Variants in LIN52 observed in about 807,000 individuals in gnomAD.
LIN52 encodes protein lin-52 homolog.
In LIN52, 4 loss-of-function variants were observed where a neutral mutation model predicts 18.5. That is an observed-to-expected ratio of 0.22 (90% CI 0.11 to 0.49). The LOEUF (loss-of-function observed/expected upper bound fraction) is 0.49, where lower values mean the gene tolerates loss of function less well. Ranked by LOEUF, LIN52 falls within the 20% of genes least tolerant of loss-of-function variation. The probability of loss-of-function intolerance (pLI) is 0.97; values close to 1 mark genes in which losing one functional copy is unlikely to be tolerated. For missense variants in LIN52, 102 were observed against 139.5 expected (o/e 0.73, Z 1.35); for synonymous variants, 34 against 45.5 (o/e 0.75, Z 1.02).
intron 5 of LIN52, among the ~76,000 whole-genome samples, chr14:74,156,215 C>T (rs1479002743): frequency 1.3e-5 from 2 of 152,202 alleles, no homozygotes; most frequent in Non-Finnish European, 2.9e-5. Flanking sequence ...TATTTGGTTA[C>T]AGATCATAAT....
chr14:74,146,597 C>T (rs1015977802), intron 5 of LIN52, among the ~76,000 whole-genome samples: 2 of 152,116 alleles, frequency 1.3e-5, no homozygotes, highest in East Asian at 1.9e-4. Flanking sequence ...GTACTAGTAA[C>T]AATTATAGAT....
chr14:74,167,593 C>G (rs1316682130), intron 5 of LIN52, among the ~76,000 whole-genome samples: 1 of 152,138 alleles, frequency 6.6e-6, no homozygotes, highest in Non-Finnish European at 1.5e-5. Context: ...AACATGTAAC[C>G]CAATTCACTC....
intron 5 of LIN52, among the ~76,000 whole-genome samples, chr14:74,124,819 A>C (rs2061019635): frequency 6.6e-6 from 1 of 150,890 alleles, no homozygotes; most frequent in Non-Finnish European, 1.5e-5. Flanking sequence ...TCAAAAAAAA[A>C]AAAAAAAAAA....
intron 5 of LIN52, chr14:74,174,325 G>A (rs867297964): frequency 1.3e-5 from 2 of 152,126 alleles, no homozygotes; most frequent in Non-Finnish European, 2.9e-5. Flanking sequence ...AGGCTATATG[G>A]TATAGCCTAT....
chr14:74,170,667 A>T (rs1305771447), intron 5 of LIN52, among the ~76,000 whole-genome samples: 1 of 152,094 alleles, frequency 6.6e-6, no homozygotes, highest in African/African-American at 2.4e-5. Context: ...TTGATGTTTC[A>T]TATTAGACTA....
At chr14:74,156,184 G>T (rs985725774) in intron 5 of LIN52, among the ~76,000 whole-genome samples, 5 of 152,184 alleles carry the variant, frequency 3.3e-5, no homozygotes, top group South Asian at 2.1e-4. Context: ...TCATATTAAT[G>T]TAAGAAAAAA....
intron 5 of LIN52, among the ~76,000 whole-genome samples, chr14:74,195,543 G>GGTGTGT (rs1450911522): frequency 9.8e-6 from 1 of 102,002 alleles, no homozygotes; most frequent in East Asian, 2.6e-4. Context: ...GGTGTGTGTG[G>GGTGTGT]GTGTGTGTGT....
intron 5 of LIN52, among the ~76,000 whole-genome samples, chr14:74,119,750 GGCCA>G (rs2060988363): frequency 6.6e-6 from 1 of 151,748 alleles, no homozygotes; most frequent in Non-Finnish European, 1.5e-5. Context: ...TATGTTTATT[GGCCA>G]TTTGGATAAC....
chr14:74,131,722 C>T (rs765924255), intron 5 of LIN52, among the ~76,000 whole-genome samples: 7 of 152,162 alleles, frequency 4.6e-5, no homozygotes, highest in African/African-American at 7.2e-5. Flanking sequence ...TTACTGGCCA[C>T]TTGTTTTTCC....
At chr14:74,176,546 T>A (rs2061295496) in intron 5 of LIN52, among the ~76,000 whole-genome samples, 1 of 152,228 alleles carries the variant, frequency 6.6e-6, no homozygotes, top group African/African-American at 2.4e-5. Context: ...TGTGATGAAC[T>A]TTTATATGAC....
In LIN52 at chr14:74,189,448, A is replaced by G. The variant is rs2061354344; in HGVS notation, c.284-9474A>G. ...AGTAAAACTATGAAATAGACCTGTC[A>G]GGTCCTCAGAAAAGGAAACAAAGTG... On this transcript the variant is annotated intron_variant, in intron 5 of 5. Coordinates refer to ENST00000555028, the MANE Select transcript of LIN52 (RefSeq NM_001024674.3). Among the ~76,000 whole-genome samples the G allele has an allele frequency of 1.3e-5, 2 of 152,226 alleles. 1 individual carries two copies. The highest frequency in any genetic ancestry group is 2.9e-5 in the Non-Finnish European group (2 of 68,036).
chr14:74,178,665 G>A (rs1204057271), intron 5 of LIN52, among the ~76,000 whole-genome samples: 2 of 151,530 alleles, frequency 1.3e-5, no homozygotes, highest in Non-Finnish European at 2.9e-5. Flanking sequence ...TCGCCATATT[G>A]GCCAGGCTGG....
intron 5 of LIN52, among the ~76,000 whole-genome samples, chr14:74,196,821 G>C (rs930830649): frequency 6.6e-6 from 1 of 152,162 alleles, no homozygotes; most frequent in Non-Finnish European, 1.5e-5. Flanking sequence ...ATATCCAAGA[G>C]AAAAGTAGGG....
intron 5 of LIN52, among the ~76,000 whole-genome samples, chr14:74,134,269 G>C (rs2061085129): frequency 6.6e-6 from 1 of 152,202 alleles, no homozygotes; most frequent in Admixed American, 6.5e-5. Flanking sequence ...TTGTACTGCT[G>C]TCAGTGACTG....
intron 5 of LIN52, among the ~76,000 whole-genome samples, chr14:74,108,050 G>A (rs1260499511): frequency 1.3e-5 from 2 of 152,050 alleles, no homozygotes; most frequent in Non-Finnish European, 2.9e-5. Context: ...CCCAGACCTA[G>A]GCTGTTACTT....
At chr14:74,185,727 C>T (rs1252705546) in intron 5 of LIN52, among the ~76,000 whole-genome samples, 2 of 151,880 alleles carry the variant, frequency 1.3e-5, no homozygotes, top group African/African-American at 4.8e-5. Context: ...ACAACAAGAC[C>T]CCTGGATGCA....
At chr14:74,094,758 C>T (rs1290974799) in intron 2 of LIN52, among the ~76,000 whole-genome samples, 3 of 150,388 alleles carry the variant, frequency 2.0e-5, no homozygotes, top group South Asian at 2.1e-4. Context: ...GATGGAGTCT[C>T]GCTCTGTTGC....
intron 5 of LIN52, among the ~76,000 whole-genome samples, chr14:74,115,111 C>T (rs899013087): frequency 1.1e-4 from 17 of 152,200 alleles, no homozygotes; most frequent in Middle Eastern, 3.4e-3. Context: ...TTTAAATAAG[C>T]GACATTGGAT....
chr14:74,150,519 T>C (rs28672217), intron 5 of LIN52, among the ~76,000 whole-genome samples: 3,167 of 152,206 alleles, frequency 0.021, 111 homozygotes, highest in African/African-American at 0.07. Context: ...AATGGTTGCA[T>C]TGGGGCTATG....
Sources: gnomAD v4.1 joint callset for allele counts (sites outside exome capture counted in the v4.1 genomes callset) on GRCh38, gnomAD v4.1.1 for gene constraint, MANE v1.5 for transcripts, NCBI Gene and HGNC (gene_info 2026-07-23, HGNC 2026-07-21) for gene names.